The following EHD3 variants were observed in gnomAD, a reference collection of about 807,000 sequenced individuals.
EHD3 encodes the protein EH domain-containing protein 3.
In EHD3, 17 loss-of-function variants were observed where a neutral mutation model predicts 43.0. That is an observed-to-expected ratio of 0.40 (90% CI 0.27 to 0.59). The LOEUF is 0.59. Among genes scored for constraint, EHD3 ranks in the 20% least tolerant of loss-of-function variants. The pLI, the probability that EHD3 is intolerant of heterozygous loss-of-function variation, is 0.49. For missense variants in EHD3, 594 were observed against 705.6 expected (o/e 0.84, Z 1.79); for synonymous variants, 313 against 289.5 (o/e 1.08, Z -0.82).
At chr2:31,248,311 G>A (rs899968618) in intron 2 of EHD3, among the ~76,000 whole-genome samples, 3 of 152,008 alleles carry the variant, frequency 2.0e-5, no homozygotes, top group Admixed American at 1.3e-4. Context: ...CCCATTCTTC[G>A]AGGCCAGCTC....
At position 31,244,308 on chromosome 2, in the gene EHD3, A is replaced by G. The variant is rs1683478761; in HGVS notation, c.262A>G (p.Ile88Val). Reference protein sequence around the residue: ...LLEQDFPGMRIGPEPTTDSFI... With the variant: ...LLEQDFPGMRVGPEPTTDSFI... ...GGAACAGGACTTCCCAGGCATGAGG[A>G]TTGGGCCTGAGCCCACCACAGACTC... Residue 88 changes from isoleucine to valine, a missense_variant, in exon 2 of 6, where the codon ATT becomes GTT. This residue lies in a region of EHD3 where 243 missense variants were observed against 296.7 expected (regional missense o/e 0.82). Transcript: ENST00000322054. The G allele has an allele frequency of 1.9e-6, 3 of 1,614,092 alleles. No individual in the cohort carries two copies. The highest frequency in any genetic ancestry group is 1.7e-6 in the Non-Finnish European group (2 of 1,179,996).
Position 31,261,712 on chromosome 2 carries a change from A to T in EHD3, c.1079A>T (p.Gln360Leu). The change falls in exon 5 of 6, where the codon CAG becomes CTG. Residue 360 changes from glutamine to leucine, a missense_variant and splice_region_variant. Gln to Leu is a moderately radical substitution (Grantham distance 113). Transcript: ENST00000322054. The stretch of plus-strand genomic sequence containing the variant: ...GACTTCCCCAATCTGAAGAGGATGC[A>T]GGTAGCGAGGGCTGGGGTCTCTAAG... ...PGDFPNLKRM[Q>L]DQLQAQDFSK... 2 of 1,614,006 alleles carry T rather than the reference A, an allele frequency of 1.2e-6. No homozygotes were observed. Among genetic ancestry groups the T allele is most frequent in the Non-Finnish European group, 1.7e-6 (2 of 1,179,886 alleles).
In EHD3 at chr2:31,260,290, T is replaced by C. The variant is rs1042333182; in HGVS notation, c.503-220T>C. 8.5e-5 allele frequency among the ~76,000 whole-genome samples: 13 copies of C among 152,230 alleles called. No individual in the cohort carries two copies. Among genetic ancestry groups the C allele is most frequent in the African/African-American group, 3.1e-4 (13 of 41,462 alleles). On this transcript the variant is annotated intron_variant, in intron 3 of 5. Coordinates refer to ENST00000322054, the MANE Select transcript of EHD3 (RefSeq NM_014600.3). The surrounding 1 kb of genome is among the most constrained non-coding windows in gnomAD (Gnocchi z 4.6). The stretch of plus-strand genomic sequence containing the variant: ...CTTCATAGTTCTATTAACTAGGTAT[T>C]CATATTATTTTAGTATTTAACAGTA...
intron 3 of EHD3, among the ~76,000 whole-genome samples, chr2:31,257,557 C>T (rs1467078371): frequency 2.0e-5 from 3 of 152,218 alleles, no homozygotes; most frequent in Non-Finnish European, 4.4e-5. Context: ...CTCTCTGAAC[C>T]TCAGTTTCCT....
chr2:31,247,839 A>G (rs770819006), intron 2 of EHD3, among the ~76,000 whole-genome samples: 1 of 152,206 alleles, frequency 6.6e-6, no homozygotes, highest in Non-Finnish European at 1.5e-5. Flanking sequence ...AGTGTAAAAA[A>G]AAGAGGACAT....
In EHD3 at chr2:31,268,772, C is replaced by A. The variant is rs1684002022; in HGVS notation, c.*2068C>A. 1 of 152,216 alleles carries A rather than the reference C, an allele frequency of 6.6e-6. No homozygotes were observed. Among genetic ancestry groups the A allele is most frequent in the Non-Finnish European group, 1.5e-5 (1 of 68,058 alleles). The allele number at this position is 152,216 out of a possible 1,614,324, so 9.4% of individuals were successfully genotyped here. On this transcript the variant is annotated 3_prime_UTR_variant, in exon 6 of 6. Coordinates refer to ENST00000322054, the MANE Select transcript of EHD3 (RefSeq NM_014600.3). ...TAGGGACCATTTCTCAACTCCACAC[C>A]TTTCTTCAAGCTGAAGGAGAAATGG...
At chr2:31,264,345 G>C (rs772007785) in intron 5 of EHD3, among the ~76,000 whole-genome samples, 2 of 152,160 alleles carry the variant, frequency 1.3e-5, no homozygotes, top group Non-Finnish European at 2.9e-5. Context: ...ACCATGAATG[G>C]AGCTTGCAGA....
chr2:31,260,859 T>G lies in EHD3; in HGVS notation c.852T>G (p.Ser284Arg). The change falls in exon 4 of 6, where the codon AGT (serine) becomes AGG (arginine). Residue 284 changes from serine (S) to arginine (R), a missense_variant. Ser to Arg is a moderately radical substitution (Grantham distance 110, BLOSUM62 -1). Coordinates refer to ENST00000322054, the MANE Select transcript of EHD3 (RefSeq NM_014600.3). This position sits in a 1 kb window ranked among gnomAD's most constrained non-coding sequence, Gnocchi z 4.6. ...AGGACCTATTCAGGGACATCCAGAG[T>G]CTGCCCCGAAATGCTGCCCTGCGCA... ...EEQDLFRDIQ[S>R]LPRNAALRKL... The G allele has an allele frequency of 6.2e-7, 1 of 1,613,964 alleles. No homozygotes were observed. The highest frequency in any genetic ancestry group is 8.5e-7 in the Non-Finnish European group (1 of 1,179,990).
intron 1 of EHD3, 91 bp downstream of exon 1, chr2:31,234,939 C>A: frequency 2.5e-6 from 3 of 1,222,172 alleles, no homozygotes; most frequent in Non-Finnish European, 3.5e-6. Context: ...GACAGGGGAC[C>A]AATGGGAAGC....
intron 1 of EHD3, among the ~76,000 whole-genome samples, chr2:31,242,689 G>T (rs1683445154): frequency 6.6e-6 from 1 of 152,222 alleles, no homozygotes; most frequent in Non-Finnish European, 1.5e-5. Flanking sequence ...GGGTATGGTG[G>T]CTCATGCCTG....
Position 31,234,505 on chromosome 2 carries a change from G to T in EHD3, c.-117G>T. On this transcript the variant is annotated 5_prime_UTR_variant, in exon 1 of 6. Coordinates refer to ENST00000322054, the MANE Select transcript of EHD3 (RefSeq NM_014600.3). ...CCGGGCCATGGTGCGGCTGAGCCCC[G>T]CGCTTGGGTGAGGCGGCGGCGCGGC... 8.2e-7 allele frequency: 1 copy of T among 1,222,844 alleles called. No individual in the cohort carries two copies. The highest frequency in any genetic ancestry group is 1.1e-6 in the Non-Finnish European group (1 of 874,462). 75.7% of individuals were successfully genotyped at this position (1,222,844 alleles called of 1,614,324 possible). A position where few individuals can be genotyped will look rare whatever the true frequency, so the allele number is the denominator to read the frequency against.
Position 31,234,334 on chromosome 2 carries a change from T to G in EHD3, c.-288T>G. The G allele has an allele frequency of 4.8e-6, 2 of 418,450 alleles. No individual in the cohort carries two copies. The highest frequency in any genetic ancestry group is 8.8e-6 in the Non-Finnish European group (2 of 227,640). 25.9% of individuals were successfully genotyped at this position (418,450 alleles called of 1,614,324 possible). Reference sequence around the variant, plus strand: ...CGGCATCTGGCAGTTTCCTTGCAGGTTCAACTTTAATTGCCAAGATTTCAC... The same window carrying G: ...CGGCATCTGGCAGTTTCCTTGCAGGGTCAACTTTAATTGCCAAGATTTCAC... On this transcript the variant is annotated 5_prime_UTR_variant, in exon 1 of 6. Transcript: ENST00000322054.
chr2:31,261,222 C>T (rs1187047023), intron 4 of EHD3, among the ~76,000 whole-genome samples: 1 of 152,206 alleles, frequency 6.6e-6, no homozygotes, highest in Non-Finnish European at 1.5e-5. Flanking sequence ...TAAAGAGTCT[C>T]AAAGCCCTCA....
chr2:31,243,661 G>A (rs914287085), intron 1 of EHD3, among the ~76,000 whole-genome samples: 5 of 151,706 alleles, frequency 3.3e-5, no homozygotes, highest in African/African-American at 1.2e-4. Context: ...TCACCATGTT[G>A]GCCAGGCTGG....
chr2:31,234,396 C>CGGAGGGAA lies in EHD3; in HGVS notation c.-224_-223insAGGGAAGG, dbSNP rs753263408. ...AAGCCCAGATTATTTATCCTCCCTC[C>CGGAGGGAA]GGCCTGGGCTGCTGGATGCAGCAGC... On this transcript the variant is annotated 5_prime_UTR_variant, in exon 1 of 6. Coordinates refer to ENST00000322054, the MANE Select transcript of EHD3 (RefSeq NM_014600.3). The CGGAGGGAA allele has an allele frequency of 2.8e-4, 157 of 566,810 alleles. No individual in the cohort carries two copies. The highest frequency in any genetic ancestry group is 4.4e-4 in the Non-Finnish European group (141 of 318,542). The allele number at this position is 566,810 out of a possible 1,614,324, so 35.1% of individuals were successfully genotyped here.
At chr2:31,241,473 T>C (rs1292486885) in intron 1 of EHD3, among the ~76,000 whole-genome samples, 1 of 152,222 alleles carries the variant, frequency 6.6e-6, no homozygotes, top group African/African-American at 2.4e-5. Flanking sequence ...TAATTTAAGG[T>C]ACTGGTTAAA....
At chr2:31,256,311 G>T (rs1572469758) in intron 3 of EHD3, among the ~76,000 whole-genome samples, 1 of 152,198 alleles carries the variant, frequency 6.6e-6, no homozygotes, top group African/African-American at 2.4e-5. Context: ...CCTCTGATTT[G>T]TTTAGATCCT....
chr2:31,263,688 G>T (rs1348736601), intron 5 of EHD3, among the ~76,000 whole-genome samples: 2 of 152,184 alleles, frequency 1.3e-5, no homozygotes, highest in Admixed American at 6.5e-5. Context: ...TAGGAAGGAG[G>T]TGAGAAGTAC....
chr2:31,243,456 C>CTTTATTTTT (rs1418621028), intron 1 of EHD3, among the ~76,000 whole-genome samples: 1 of 93,316 alleles, frequency 1.1e-5, no homozygotes, highest in Admixed American at 1.2e-4. Context: ...TTCTTTCTTT[C>CTTTATTTTT]TTTCTTTTTT....
Sources: gnomAD v4.1 joint callset for allele counts (sites outside exome capture counted in the v4.1 genomes callset) on GRCh38, gnomAD v4.1.1 for gene constraint, gnomAD v4.1.1 regional missense constraint, Gnocchi (gnomAD v3.1) non-coding constraint, MANE v1.5 for transcripts, NCBI Gene and HGNC (gene_info 2026-07-23, HGNC 2026-07-21) for gene names.